OSBPL10: variants seen among roughly 807,000 people sequenced by gnomAD.
The protein encoded by OSBPL10 is oxysterol-binding protein-related protein 10.
A neutral mutation model predicts 81.7 loss-of-function variants in OSBPL10; 49 were observed. That is an observed-to-expected ratio of 0.60 (90% confidence interval 0.48 to 0.76). The LOEUF (loss-of-function observed/expected upper bound fraction) is 0.76, where lower values mean the gene tolerates loss of function less well. OSBPL10 is among the 30% of genes least tolerant of loss of function. OSBPL10 has a pLI of 0.00. For synonymous variants in OSBPL10, 419 were observed against 383.6 expected, an observed-to-expected ratio of 1.09 and a Z score of -1.08; for missense variants, 923 against 987.8, an observed-to-expected ratio of 0.93 and a Z score of 0.88.
intron 4 of OSBPL10, among the ~76,000 whole-genome samples, chr3:31,817,254 C>G (rs1425959829): frequency 1.3e-5 from 2 of 152,216 alleles, no homozygotes; most frequent in Non-Finnish European, 2.9e-5. Context: ...GCCTGCCCCC[C>G]TTCTAGCAGG....
intron 1 of OSBPL10, among the ~76,000 whole-genome samples, chr3:31,880,421 C>T (rs1272581580): frequency 6.6e-6 from 1 of 152,140 alleles, no homozygotes; most frequent in African/African-American, 2.4e-5. Flanking sequence ...CGTTGAAATG[C>T]CACTGAACTC....
At chr3:31,765,748 T>C (rs566871363) in intron 4 of OSBPL10, among the ~76,000 whole-genome samples, 1 of 152,296 alleles carries the variant, frequency 6.6e-6, no homozygotes, top group East Asian at 1.9e-4. Context: ...AGGTTTGGGT[T>C]TTTTTTCTTG....
chr3:32,051,035 A>G (rs371873556), intron 1 of OSBPL10, among the ~76,000 whole-genome samples: 62 of 152,212 alleles, frequency 4.1e-4, no homozygotes, highest in African/African-American at 1.4e-3. Context: ...CTATACATAT[A>G]TTTAGAAGGC....
chr3:31,908,701 T>C (rs1294690356), intron 1 of OSBPL10, among the ~76,000 whole-genome samples: 1 of 152,216 alleles, frequency 6.6e-6, no homozygotes, highest in Admixed American at 6.5e-5. Context: ...AAACATTCTG[T>C]GATTCCCTGG....
intron 9 of OSBPL10, among the ~76,000 whole-genome samples, chr3:31,669,699 C>G (rs901935872): frequency 6.6e-6 from 1 of 152,206 alleles, no homozygotes; most frequent in Admixed American, 6.5e-5. Context: ...AGCTCCCTCT[C>G]CACCACTGAG....
At chr3:31,846,203 A>G (rs1157593155) in intron 3 of OSBPL10, among the ~76,000 whole-genome samples, 1 of 152,132 alleles carries the variant, frequency 6.6e-6, no homozygotes, top group Non-Finnish European at 1.5e-5. Flanking sequence ...TGTAGAGACA[A>G]GATCTCACTA....
rs550195948 is a variant in OSBPL10 at position 31,928,549 on chromosome 3, C to T, written c.282-48719G>A. ...CAGCACTTTGGGAGGCCGAGGCAGG[C>T]GGGTTACTTGAGGTCAGGTGTTCAA... On this transcript the variant is annotated intron_variant, in intron 1 of 11. Coordinates refer to ENST00000396556, the MANE Select transcript of OSBPL10 (RefSeq NM_017784.5). 6.5e-4 allele frequency among the ~76,000 whole-genome samples: 98 copies of T among 151,572 alleles called. 1 individual carries two copies. The South Asian group carries it at 0.012, about 18-fold the overall frequency.
intron 2 of OSBPL10, chr3:31,988,962 G>C (rs548350509): frequency 7.3e-7 from 1 of 1,361,264 alleles, no homozygotes; most frequent in East Asian, 2.4e-5. Flanking sequence ...AGTGTTTGTT[G>C]CCTTAAGCCA....
intron 4 of OSBPL10, among the ~76,000 whole-genome samples, chr3:31,811,759 G>A (rs998684435): frequency 1.7e-4 from 26 of 152,150 alleles, no homozygotes; most frequent in Non-Finnish European, 2.8e-4. Context: ...GCCCATTCAC[G>A]TATAGGACAC....
At chr3:31,959,434 G>A (rs1698098840) in intron 1 of OSBPL10, among the ~76,000 whole-genome samples, 2 of 152,136 alleles carry the variant, frequency 1.3e-5, no homozygotes, top group South Asian at 2.1e-4. Flanking sequence ...AAATTAGCAT[G>A]AGACTCAGAG....
rs143328679 is a variant in OSBPL10 at position 31,676,161 on chromosome 3, T to G, written c.1727-5178A>C. Among the ~76,000 whole-genome samples the G allele has an allele frequency of 3.5e-3, 540 of 152,200 alleles. 5 individuals carry two copies. The highest frequency in any genetic ancestry group is 0.012 in the African/African-American group (516 of 41,532). On this transcript the variant is annotated intron_variant, in intron 8 of 11. Coordinates refer to ENST00000396556, the MANE Select transcript of OSBPL10 (RefSeq NM_017784.5). ...CAGTGAGCCTCAGAGCTAAACTGAT[T>G]TGAAGGCACTGGCAAGACCACATGC...
rs150818229 is a variant in OSBPL10 at position 32,074,771 on chromosome 3, C to T, written n.185+2625G>A. Among the ~76,000 whole-genome samples the T allele has an allele frequency of 1.1e-3, 166 of 152,296 alleles. 1 individual carries two copies. Among genetic ancestry groups the T allele is most frequent in the African/African-American group, 3.9e-3 (163 of 41,568 alleles). On this transcript the variant is annotated intron_variant and non_coding_transcript_variant, in intron 1 of 3. Coordinates refer to the OSBPL10 transcript ENST00000479173. The stretch of plus-strand genomic sequence containing the variant: ...CATTACAATCTGTAACAGCTGCTGC[C>T]CTTGCTGGATCTCTAGGATTTGGGG...
intron 1 of OSBPL10, among the ~76,000 whole-genome samples, chr3:32,066,161 A>AAAGGAAGG (rs58902796): frequency 0.023 from 1,229 of 53,454 alleles, 111 homozygotes; most frequent in African/African-American, 0.053. Flanking sequence ...AGAAAGGAAG[A>AAAGGAAGG]AAGGAAGGAA....
intron 5 of OSBPL10, among the ~76,000 whole-genome samples, chr3:31,737,868 T>A (rs1467700719): frequency 6.6e-6 from 1 of 151,994 alleles, no homozygotes; most frequent in East Asian, 1.9e-4. Context: ...GGCACGCACC[T>A]GTAATCCCAG....
At chr3:31,719,773 G>A (rs1696576073) in intron 6 of OSBPL10, among the ~76,000 whole-genome samples, 2 of 151,852 alleles carry the variant, frequency 1.3e-5, no homozygotes, top group Admixed American at 6.6e-5. Context: ...ATATGTAGAG[G>A]ACAATTTATA....
chr3:32,061,070 C>T (rs1385512755), intron 1 of OSBPL10, among the ~76,000 whole-genome samples: 1 of 89,914 alleles, frequency 1.1e-5, no homozygotes, highest in African/African-American at 2.8e-5. Context: ...CCCATTCTTT[C>T]CCCTCCCAGA....
chr3:32,002,671 C>G (rs1205985197), intron 2 of OSBPL10, among the ~76,000 whole-genome samples: 2 of 152,166 alleles, frequency 1.3e-5, no homozygotes, highest in Non-Finnish European at 2.9e-5. Context: ...TCATTTCAAA[C>G]AGCAATGTTT....
intron 5 of OSBPL10, among the ~76,000 whole-genome samples, chr3:31,745,313 T>G (rs1697486764): frequency 6.6e-6 from 1 of 152,212 alleles, no homozygotes; most frequent in South Asian, 2.1e-4. Context: ...CACTGAAGTA[T>G]GTAATAGTGA....
chr3:31,719,456 AAT>A (rs1696564376), intron 6 of OSBPL10, among the ~76,000 whole-genome samples: 1 of 152,208 alleles, frequency 6.6e-6, no homozygotes, highest in African/African-American at 2.4e-5. Flanking sequence ...ACGGCTAATA[AAT>A]ATGTGAAAAT....
Sources: gnomAD v4.1 joint callset for allele counts (sites outside exome capture counted in the v4.1 genomes callset) on GRCh38, gnomAD v4.1.1 for gene constraint, MANE v1.5 for transcripts, NCBI Gene and HGNC (gene_info 2026-07-23, HGNC 2026-07-21) for gene names.